Variants in FRMD5 observed in about 807,000 individuals in gnomAD.
FRMD5 encodes the protein FERM domain-containing protein 5.
FRMD5 carries 20 observed loss-of-function variants against 69.0 expected under a neutral mutation model. That is an observed-to-expected ratio of 0.29 (90% confidence interval 0.20 to 0.42). FRMD5 has a LOEUF of 0.42. FRMD5 is among the 10% of genes least tolerant of loss of function. FRMD5 has a pLI of 1.00. For synonymous variants in FRMD5, 271 were observed against 260.1 expected (o/e 1.04, Z -0.40); for missense variants, 595 against 708.6 (o/e 0.84, Z 1.82).
intron 1 of FRMD5, among the ~76,000 whole-genome samples, chr15:43,972,075 AATAT>A (rs140728846): frequency 1.4e-5 from 2 of 146,348 alleles, no homozygotes; most frequent in Admixed American, 1.4e-4. Context: ...CTTATATATA[AATAT>A]ATATATATAT....
intron 1 of FRMD5, among the ~76,000 whole-genome samples, chr15:44,040,283 T>C (rs528278667): frequency 2.0e-5 from 3 of 152,160 alleles, no homozygotes; most frequent in South Asian, 2.1e-4. Flanking sequence ...TAACAAGGCA[T>C]GCCAACATTC....
intron 1 of FRMD5, among the ~76,000 whole-genome samples, chr15:43,928,658 G>A (rs1400396136): frequency 2.0e-5 from 3 of 152,200 alleles, no homozygotes. Flanking sequence ...TAAGTCCAGG[G>A]GTTTCTGGAA....
At chr15:43,942,519 C>A (rs2089879313) in intron 1 of FRMD5, among the ~76,000 whole-genome samples, 1 of 152,102 alleles carries the variant, frequency 6.6e-6, no homozygotes, top group African/African-American at 2.4e-5. Context: ...GGTTTTATAA[C>A]CCTCTTCTCC....
chr15:43,904,849 A>G (rs942864531), intron 6 of FRMD5, among the ~76,000 whole-genome samples: 4 of 152,180 alleles, frequency 2.6e-5, no homozygotes, highest in African/African-American at 7.2e-5. Context: ...GGTATTCAGC[A>G]TATTCTGGGC....
At chr15:44,084,478 G>T (rs1894113655) in intron 1 of FRMD5, among the ~76,000 whole-genome samples, 1 of 151,998 alleles carries the variant, frequency 6.6e-6, no homozygotes, top group Admixed American at 6.6e-5. Flanking sequence ...TTCAACTAAT[G>T]CCAACTGTTA....
At chr15:44,060,982 A>ATTATGTCTAG (rs1247861583) in intron 1 of FRMD5, among the ~76,000 whole-genome samples, 3 of 152,224 alleles carry the variant, frequency 2.0e-5, no homozygotes, top group Non-Finnish European at 4.4e-5. Flanking sequence ...TCTAGTATAC[A>ATTATGTCTAG]ACATAAACTT....
intron 1 of FRMD5, among the ~76,000 whole-genome samples, chr15:44,183,003 T>G (rs1158127863): frequency 6.6e-6 from 1 of 151,634 alleles, no homozygotes; most frequent in Non-Finnish European, 1.5e-5. Context: ...TTTCACCATG[T>G]TAGCCAGGAT....
chr15:44,030,184 A>G (rs1369702196), intron 1 of FRMD5, among the ~76,000 whole-genome samples: 2 of 152,166 alleles, frequency 1.3e-5, no homozygotes, highest in Non-Finnish European at 2.9e-5. Flanking sequence ...TGTGATCATT[A>G]CAACACTGAT....
At chr15:44,003,747 G>A (rs1341508135) in intron 1 of FRMD5, among the ~76,000 whole-genome samples, 1 of 152,104 alleles carries the variant, frequency 6.6e-6, no homozygotes, top group South Asian at 2.1e-4. Flanking sequence ...AACTCTAGCA[G>A]TCCCCATTTT....
chr15:44,135,823 CAAA>C (rs747196640), intron 1 of FRMD5, among the ~76,000 whole-genome samples: 12 of 70,922 alleles, frequency 1.7e-4, no homozygotes, highest in South Asian at 5.1e-4. Flanking sequence ...GACTCTGTCT[CAAA>C]AAAAAAAAAA....
intron 6 of FRMD5, among the ~76,000 whole-genome samples, chr15:43,904,504 G>C (rs1165406332): frequency 6.6e-6 from 1 of 152,030 alleles, no homozygotes; most frequent in Non-Finnish European, 1.5e-5. Flanking sequence ...GAGTAGCTGG[G>C]ATACAAGCGT....
rs928577842 is a variant in FRMD5 at position 44,036,104 on chromosome 15, C to T, written c.103-111795G>A. On this transcript the variant is annotated intron_variant, in intron 1 of 13. Coordinates refer to ENST00000417257, the MANE Select transcript of FRMD5 (RefSeq NM_032892.5). ...GAACAAATCCTAACGCAGCATTGCC[C>T]ATAATATGTACTGAGAGGGCACTTG... Among the ~76,000 whole-genome samples the T allele has an allele frequency of 2.6e-5, 4 of 152,066 alleles. No homozygotes were observed. In the South Asian group the frequency reaches 8.3e-4, roughly 32 times the overall value.
chr15:44,048,755 T>G (rs1197145065), intron 1 of FRMD5, among the ~76,000 whole-genome samples: 3 of 152,150 alleles, frequency 2.0e-5, no homozygotes, highest in African/African-American at 7.2e-5. Flanking sequence ...GTATTTTTAG[T>G]AGAGACAGGG....
At chr15:44,130,807 T>C (rs548310605) in intron 1 of FRMD5, among the ~76,000 whole-genome samples, 2 of 152,248 alleles carry the variant, frequency 1.3e-5, no homozygotes, top group South Asian at 4.2e-4. Context: ...CTTACAACCT[T>C]GACTCTGGCA....
intron 1 of FRMD5, among the ~76,000 whole-genome samples, chr15:44,049,836 A>G (rs1486548239): frequency 1.3e-5 from 2 of 152,342 alleles, no homozygotes; most frequent in Middle Eastern, 3.4e-3. Context: ...ACCTTCCCAG[A>G]GTTCTCCAAT....
intron 1 of FRMD5, among the ~76,000 whole-genome samples, chr15:43,943,047 G>A (rs1276529919): frequency 2.0e-5 from 3 of 152,164 alleles, no homozygotes; most frequent in African/African-American, 7.2e-5. Context: ...TTCAAGACCA[G>A]CCTGACCAAC....
intron 8 of FRMD5, among the ~76,000 whole-genome samples, chr15:43,889,332 G>A (rs1247231561): frequency 4.6e-5 from 7 of 152,198 alleles, no homozygotes; most frequent in Non-Finnish European, 1.5e-5. Flanking sequence ...AGTCTTTCAG[G>A]TGACTGTGCC....
intron 1 of FRMD5, among the ~76,000 whole-genome samples, chr15:44,000,154 A>G (rs1336861386): frequency 6.6e-6 from 1 of 150,952 alleles, no homozygotes; most frequent in African/African-American, 2.4e-5. Flanking sequence ...ATGCCCAGCT[A>G]TTTTTTATTT....
intron 7 of FRMD5, among the ~76,000 whole-genome samples, chr15:43,896,828 T>C (rs2088920903): frequency 6.6e-6 from 1 of 152,216 alleles, no homozygotes; most frequent in Non-Finnish European, 1.5e-5. Flanking sequence ...CTATTTCTTA[T>C]AAAACCCTCT....
Sources: gnomAD v4.1 joint callset for allele counts (sites outside exome capture counted in the v4.1 genomes callset) on GRCh38, gnomAD v4.1.1 for gene constraint, MANE v1.5 for transcripts, NCBI Gene and HGNC (gene_info 2026-07-23, HGNC 2026-07-21) for gene names.